NELL1: variants seen among roughly 807,000 people sequenced by gnomAD.
NELL1 encodes neural EGFL like 1.
NELL1 carries 76 observed loss-of-function variants against 107.4 expected under a neutral mutation model. The ratio of observed to expected loss-of-function variants is 0.71; its 90% confidence interval spans 0.59 to 0.86. The LOEUF is 0.86. Among genes scored for constraint, NELL1 ranks in the 40% least tolerant of loss-of-function variants. The pLI, the probability that NELL1 is intolerant of heterozygous loss-of-function variation, is 0.00. For missense variants in NELL1, 1,024 were observed against 1,005.5 expected (o/e 1.02, Z -0.25); for synonymous variants, 353 against 341.2 (o/e 1.03, Z -0.38).
At chr11:20,972,047 G>A (rs1047610668) in intron 12 of NELL1, among the ~76,000 whole-genome samples, 5 of 151,864 alleles carry the variant, frequency 3.3e-5, no homozygotes, top group African/African-American at 1.2e-4. Context: ...GGGGGCAAGG[G>A]GAGGGAGAGC....
intron 2 of NELL1, among the ~76,000 whole-genome samples, chr11:20,772,141 G>A (rs1305240439): frequency 6.6e-6 from 1 of 152,194 alleles, no homozygotes; most frequent in Non-Finnish European, 1.5e-5. Flanking sequence ...TTAGGACCGT[G>A]CACAAAAGGG....
intron 15 of NELL1, among the ~76,000 whole-genome samples, chr11:21,489,618 C>T (rs565319648): frequency 6.6e-6 from 1 of 152,056 alleles, no homozygotes; most frequent in South Asian, 2.1e-4. Context: ...GGGATTTACA[C>T]CAGGACTGCA....
chr11:21,542,482 A>G (rs767800878), intron 16 of NELL1, among the ~76,000 whole-genome samples: 1 of 152,068 alleles, frequency 6.6e-6, no homozygotes, highest in Non-Finnish European at 1.5e-5. Context: ...TGTGATGAGC[A>G]CTAGGGACTT....
chr11:21,439,177 A>T (rs1390885261), intron 15 of NELL1, among the ~76,000 whole-genome samples: 1 of 152,024 alleles, frequency 6.6e-6, no homozygotes, highest in Non-Finnish European at 1.5e-5. Flanking sequence ...TAGACCTAAG[A>T]GTCAGAGAAA....
At chr11:21,366,969 C>T (rs758170533) in intron 14 of NELL1, among the ~76,000 whole-genome samples, 6 of 152,020 alleles carry the variant, frequency 3.9e-5, no homozygotes, top group Admixed American at 1.3e-4. Flanking sequence ...TGGTACTGGA[C>T]ATCCACAAAC....
intron 12 of NELL1, among the ~76,000 whole-genome samples, chr11:21,024,694 C>T (rs116006827): frequency 0.01 from 1,547 of 152,168 alleles, 23 homozygotes; most frequent in African/African-American, 0.035. Context: ...TTGTCTAAAA[C>T]AAGACACAGC....
intron 12 of NELL1, among the ~76,000 whole-genome samples, chr11:21,050,901 T>C (rs914544981): frequency 1.3e-5 from 2 of 152,106 alleles, no homozygotes; most frequent in African/African-American, 4.8e-5. Context: ...CTCACCACCT[T>C]ACTGGCTCCC....
chr11:20,745,152 T>A (rs901775648), intron 2 of NELL1, among the ~76,000 whole-genome samples: 2 of 152,198 alleles, frequency 1.3e-5, no homozygotes, highest in African/African-American at 4.8e-5. Context: ...AACGACAGGA[T>A]GTTATCTTGT....
At chr11:20,861,135 A>G (rs1231290876) in intron 4 of NELL1, among the ~76,000 whole-genome samples, 2 of 152,198 alleles carry the variant, frequency 1.3e-5, no homozygotes, top group Non-Finnish European at 2.9e-5. Context: ...TGTAAGGTGC[A>G]AAGTATTTAA....
chr11:21,318,269 G>A lies in NELL1; in HGVS notation c.1550-52584G>A, dbSNP rs138520667. Among the ~76,000 whole-genome samples the A allele has an allele frequency of 5.2e-3, 788 of 152,218 alleles. 8 individuals carry two copies. Among genetic ancestry groups the A allele is most frequent in the African/African-American group, 0.018 (752 of 41,542 alleles). On this transcript the variant is annotated intron_variant, in intron 14 of 19. Coordinates refer to ENST00000357134, the MANE Select transcript of NELL1 (RefSeq NM_006157.5). ...AACCTGACATTGGTGTGCAGAGATA[G>A]GACAGTATGTAATTCATGTTCTTAA...
At chr11:20,825,498 G>T (rs768950198) in intron 3 of NELL1, among the ~76,000 whole-genome samples, 5 of 151,448 alleles carry the variant, frequency 3.3e-5, no homozygotes, top group African/African-American at 4.8e-5. Context: ...GTGTGACCTG[G>T]ATGTGAGACA....
intron 2 of NELL1, among the ~76,000 whole-genome samples, chr11:20,738,128 A>G (rs1855804713): frequency 6.6e-6 from 1 of 152,172 alleles, no homozygotes; most frequent in East Asian, 1.9e-4. Context: ...ATCACAGCCA[A>G]TATTTCTGCT....
chr11:21,048,055 AC>A (rs1367652825), intron 12 of NELL1, among the ~76,000 whole-genome samples: 2 of 152,284 alleles, frequency 1.3e-5, no homozygotes, highest in East Asian at 3.9e-4. Context: ...ACAGTTGGGT[AC>A]TACTTTCTGT....
chr11:20,860,962 A>G (rs1379141455), intron 4 of NELL1, among the ~76,000 whole-genome samples: 1 of 152,176 alleles, frequency 6.6e-6, no homozygotes, highest in Non-Finnish European at 1.5e-5. Context: ...CCATCTTTAA[A>G]TTCTGTGGAT....
intron 14 of NELL1, among the ~76,000 whole-genome samples, chr11:21,314,504 A>C (rs1849829254): frequency 6.6e-6 from 1 of 152,170 alleles, no homozygotes; most frequent in Non-Finnish European, 1.5e-5. Context: ...GACACAGTAA[A>C]GGCTTAATAA....
intron 14 of NELL1, among the ~76,000 whole-genome samples, chr11:21,287,324 G>T (rs1372613387): frequency 6.6e-6 from 1 of 151,910 alleles, no homozygotes; most frequent in Non-Finnish European, 1.5e-5. Flanking sequence ...CCTAACTGAT[G>T]TCTTGCCTGT....
intron 15 of NELL1, among the ~76,000 whole-genome samples, chr11:21,523,840 T>C (rs542672533): frequency 7.8e-4 from 119 of 152,296 alleles, no homozygotes; most frequent in African/African-American, 2.8e-3. Context: ...GGGGATCACT[T>C]TCTTAGTTAT....
At chr11:21,462,120 C>A (rs943891149) in intron 15 of NELL1, among the ~76,000 whole-genome samples, 6 of 151,866 alleles carry the variant, frequency 4.0e-5, no homozygotes, top group Non-Finnish European at 8.8e-5. Flanking sequence ...ATAGGATGGA[C>A]CTTTTGGTTT....
intron 14 of NELL1, among the ~76,000 whole-genome samples, chr11:21,301,068 C>A (rs1030760217): frequency 6.6e-6 from 1 of 152,160 alleles, no homozygotes; most frequent in Non-Finnish European, 1.5e-5. Flanking sequence ...CCACAAAGAA[C>A]ATGAACTCAT....
Sources: allele counts gnomAD v4.1 joint callset (sites outside exome capture counted in the v4.1 genomes callset), GRCh38; gene constraint gnomAD v4.1.1; transcripts MANE v1.5; gene names NCBI Gene and HGNC (gene_info 2026-07-23, HGNC 2026-07-21).